Variants in TSPEAR observed in about 807,000 individuals in gnomAD.
TSPEAR encodes thrombospondin type laminin G domain and EAR repeats.
A neutral mutation model predicts 71.6 loss-of-function variants in TSPEAR; 69 were observed. That is an observed-to-expected ratio of 0.96 (90% CI 0.79 to 1.18). The LOEUF (loss-of-function observed/expected upper bound fraction) is 1.18. TSPEAR is among the 50% of genes most tolerant of loss of function. TSPEAR has a pLI of 0.00. For missense variants in TSPEAR, 971 were observed against 894.9 expected, an observed-to-expected ratio of 1.09 and a Z score of -1.09; for synonymous variants, 402 against 387.2, an observed-to-expected ratio of 1.04 and a Z score of -0.45.
chr21:44,531,464 A>G (rs1197209791), intron 3 of TSPEAR, among the ~76,000 whole-genome samples: 1 of 152,064 alleles, frequency 6.6e-6, no homozygotes, highest in Non-Finnish European at 1.5e-5. Flanking sequence ...GATCCTAGTC[A>G]CACTGGAGCA....
chr21:44,622,951 G>A (rs1304702870), intron 1 of TSPEAR, among the ~76,000 whole-genome samples: 8 of 152,100 alleles, frequency 5.3e-5, no homozygotes, highest in Non-Finnish European at 1.2e-4. Context: ...ATCTGGTTAA[G>A]CGTGTAGCAC....
At chr21:44,657,263 G>A (rs1267728009) in intron 1 of TSPEAR, among the ~76,000 whole-genome samples, 1 of 152,122 alleles carries the variant, frequency 6.6e-6, no homozygotes, top group Admixed American at 6.5e-5. Context: ...TGCTCTTGAG[G>A]CCAAGACCTC....
intron 9 of TSPEAR, chr21:44,511,052 G>A (rs1221376259): frequency 3.3e-5 from 5 of 152,298 alleles, no homozygotes; most frequent in African/African-American, 9.6e-5. Context: ...AGCAGCATCT[G>A]GACTTTGGCT....
At chr21:44,529,269 TTAAA>T (rs2052918722) in intron 5 of TSPEAR, among the ~76,000 whole-genome samples, 1 of 152,058 alleles carries the variant, frequency 6.6e-6, no homozygotes, top group Non-Finnish European at 1.5e-5. Context: ...GGAGTGTGGT[TTAAA>T]TAAATACAGT....
At chr21:44,589,701 C>T (rs1213136440) in intron 1 of TSPEAR, among the ~76,000 whole-genome samples, 1 of 152,204 alleles carries the variant, frequency 6.6e-6, no homozygotes, top group African/African-American at 2.4e-5. Context: ...CAGGCTGGGT[C>T]CTGTCGGTGC....
At chr21:44,624,083 C>T (rs1288020209) in intron 1 of TSPEAR, among the ~76,000 whole-genome samples, 4 of 152,294 alleles carry the variant, frequency 2.6e-5, no homozygotes, top group Admixed American at 2.0e-4. Flanking sequence ...TACTACTCCA[C>T]TTTCTTCATT....
intron 1 of TSPEAR, among the ~76,000 whole-genome samples, chr21:44,608,437 A>G (rs974918882): frequency 3.3e-5 from 5 of 152,218 alleles, no homozygotes; most frequent in South Asian, 4.1e-4. Flanking sequence ...AATGCAACCA[A>G]TTGGGACTTT....
At chr21:44,512,470 CAG>C (rs1569154689) in intron 9 of TSPEAR, among the ~76,000 whole-genome samples, 1 of 151,644 alleles carries the variant, frequency 6.6e-6, no homozygotes, top group Non-Finnish European at 1.5e-5. Flanking sequence ...GGAGACCACT[CAG>C]AGAACCTGGT....
chr21:44,525,896 G>A (rs2052846300), intron 7 of TSPEAR, 57 bp from the exon 8 acceptor site: 2 of 1,540,520 alleles, frequency 1.3e-6, no homozygotes, highest in South Asian at 2.3e-5. Context: ...CCAGCGGCCT[G>A]GTTTCTGAAG....
At chr21:44,555,226 T>C (rs2053506284) in intron 2 of TSPEAR, among the ~76,000 whole-genome samples, 1 of 152,188 alleles carries the variant, frequency 6.6e-6, no homozygotes, top group South Asian at 2.1e-4. Flanking sequence ...TGTTTCCTAT[T>C]AGATGAGAAC....
intron 1 of TSPEAR, among the ~76,000 whole-genome samples, chr21:44,708,129 G>T (rs781849213): frequency 6.6e-6 from 1 of 152,040 alleles, no homozygotes; most frequent in African/African-American, 2.4e-5. Flanking sequence ...GTGCGCTGGG[G>T]GTAACCCGTG....
intron 1 of TSPEAR, among the ~76,000 whole-genome samples, chr21:44,616,445 C>T (rs587649143): frequency 3.3e-5 from 5 of 152,204 alleles, no homozygotes; most frequent in Non-Finnish European, 7.3e-5. Flanking sequence ...GGTGTGCAGC[C>T]ACAGGGCTCT....
chr21:44,528,301 G>C, intron 6 of TSPEAR, 151 bp downstream of exon 6: 6 of 1,093,994 alleles, frequency 5.5e-6, no homozygotes, highest in Non-Finnish European at 8.0e-6. Context: ...GACTGATGCT[G>C]CCTCTCACTC....
chr21:44,511,394 GCA>G (rs1275740883), intron 9 of TSPEAR, among the ~76,000 whole-genome samples: 6 of 152,046 alleles, frequency 3.9e-5, no homozygotes, highest in East Asian at 1.9e-4. Flanking sequence ...ATTTTTACAT[GCA>G]CAGATGCACA....
intron 1 of TSPEAR, among the ~76,000 whole-genome samples, chr21:44,659,700 C>T (rs1225675708): frequency 6.6e-6 from 1 of 152,160 alleles, no homozygotes; most frequent in Non-Finnish European, 1.5e-5. Context: ...GCTGGAGAGT[C>T]GTTTGAGCCT....
In TSPEAR at chr21:44,691,092, C is replaced by T. The variant is rs1243694228; in HGVS notation, c.82+20341G>A. On this transcript the variant is annotated intron_variant, in intron 1 of 11. Coordinates refer to ENST00000323084, the MANE Select transcript of TSPEAR (RefSeq NM_144991.3). ...CCTTCATCTCCCCTCGCCTCCTCTC[C>T]CCTTCTCTCCTCTCTCCACACTTCT... Among the ~76,000 whole-genome samples, 3 of 151,890 alleles carry T rather than the reference C, an allele frequency of 2.0e-5. 1 individual carries two copies. The highest frequency in any genetic ancestry group is 7.3e-5 in the African/African-American group (3 of 41,300).
Position 44,711,352 on chromosome 21 carries a change from G to C in TSPEAR, c.82+81C>G. On this transcript the variant is annotated intron_variant, in intron 1 of 11. Coordinates refer to ENST00000323084, the MANE Select transcript of TSPEAR (RefSeq NM_144991.3). This position sits in a 1 kb window ranked among gnomAD's most constrained non-coding sequence, Gnocchi z 4.5. ...GGCACCGCGGCTTGAATCAGTGTTA[G>C]AAAGTGGCATTTGTGACTCGACACC... 1 of 1,327,380 alleles carries C rather than the reference G, an allele frequency of 7.5e-7. No individual in the cohort carries two copies. Among genetic ancestry groups the C allele is most frequent in the Non-Finnish European group, 1.0e-6 (1 of 954,218 alleles). 82.2% of individuals were successfully genotyped at this position (1,327,380 alleles called of 1,614,324 possible).
At chr21:44,639,435 C>G (rs1555938054) in intron 1 of TSPEAR, among the ~76,000 whole-genome samples, 1 of 152,258 alleles carries the variant, frequency 6.6e-6, no homozygotes, top group Non-Finnish European at 1.5e-5. Context: ...TCCCTGTGGT[C>G]AGCACAGCCG....
At chr21:44,602,770 G>A (rs1211118) in intron 1 of TSPEAR, among the ~76,000 whole-genome samples, 126,362 of 152,126 alleles carry the variant, frequency 0.83, 54,254 homozygotes, top group Non-Finnish European at 0.94. Context: ...AGTGAGGCGC[G>A]TCCTGCGTGA....
Sources: gnomAD v4.1 joint callset for allele counts (sites outside exome capture counted in the v4.1 genomes callset) on GRCh38, gnomAD v4.1.1 for gene constraint, Gnocchi (gnomAD v3.1) non-coding constraint, MANE v1.5 for transcripts, NCBI Gene and HGNC (gene_info 2026-07-23, HGNC 2026-07-21) for gene names.